The following MYT1L variants were observed in gnomAD, a reference collection of about 807,000 sequenced individuals.
MYT1L encodes myelin transcription factor 1-like protein.
Under a neutral mutation model 126.7 loss-of-function variants are expected in MYT1L, and 12 were observed. That is an observed-to-expected ratio of 0.09 (90% CI 0.06 to 0.15). MYT1L has a LOEUF of 0.15. Among genes scored for constraint, MYT1L ranks in the 10% least tolerant of loss-of-function variants. The pLI is 1.00. For missense variants in MYT1L, 979 were observed against 1,585.2 expected, an observed-to-expected ratio of 0.62 and a Z score of 6.49; for synonymous variants, 541 against 604.2, an observed-to-expected ratio of 0.90 and a Z score of 1.53.
At chr2:2,187,372 G>A (rs1046937245) in intron 2 of MYT1L, among the ~76,000 whole-genome samples, 12 of 152,004 alleles carry the variant, frequency 7.9e-5, no homozygotes, top group African/African-American at 2.7e-4. Context: ...AATCAAGCCC[G>A]GGGAAGGAGA....
At chr2:2,270,548 C>T (rs985693246) in intron 2 of MYT1L, among the ~76,000 whole-genome samples, 1 of 152,030 alleles carries the variant, frequency 6.6e-6, no homozygotes, top group Non-Finnish European at 1.5e-5. Flanking sequence ...CCAAAAATGA[C>T]ACACGAGCAA....
At chr2:2,130,049 C>G (rs2082178697) in intron 3 of MYT1L, among the ~76,000 whole-genome samples, 1 of 151,892 alleles carries the variant, frequency 6.6e-6, no homozygotes, top group Admixed American at 6.6e-5. Context: ...TAAATATTAT[C>G]AGCAATCTAA....
In MYT1L at chr2:1,892,072, G is replaced by A. The variant is rs1172434749; in HGVS notation, c.2248C>T (p.Leu750=). The change falls in exon 15 of 25, where the codon CTG becomes TTG. Residue 750 remains leucine (L), a synonymous_variant. Transcript: ENST00000647738. ...STRCREMPQN[L]STKPQDLCAT... Reference sequence around the variant, plus strand: ...CACAGGTCCTGCGGCTTGGTGCTCAGGTTCTGCGGCATCTCGCGGCAGCGC... The same window carrying A: ...CACAGGTCCTGCGGCTTGGTGCTCAAGTTCTGCGGCATCTCGCGGCAGCGC... 8 of 1,540,830 alleles carry A rather than the reference G, an allele frequency of 5.2e-6. No homozygotes were observed. The African/African-American group carries it at 1.1e-4, about 21-fold the overall frequency.
intron 2 of MYT1L, among the ~76,000 whole-genome samples, chr2:2,215,561 A>G (rs1388185273): frequency 6.6e-6 from 1 of 152,254 alleles, no homozygotes; most frequent in Non-Finnish European, 1.5e-5. Flanking sequence ...ACAAGGATAA[A>G]TAGACAAATC....
rs2094068702 is a variant in MYT1L at position 2,228,311 on chromosome 2, A to T, written c.-420-55323T>A. 1.3e-5 allele frequency among the ~76,000 whole-genome samples: 2 copies of T among 152,218 alleles called. No individual in the cohort carries two copies. The highest frequency in any genetic ancestry group is 4.8e-5 in the African/African-American group (2 of 41,466). On this transcript the variant is annotated intron_variant, in intron 2 of 24. Coordinates refer to ENST00000647738, the MANE Select transcript of MYT1L (RefSeq NM_001303052.2). The surrounding 1 kb of genome is among the most constrained non-coding windows in gnomAD (Gnocchi z 5.9). ...CATCATATGACTTTCAAATTGGCAAAGGTGATAATATTAAAAACCTGTGCA... is the reference window on the plus strand; with the variant it reads ...CATCATATGACTTTCAAATTGGCAATGGTGATAATATTAAAAACCTGTGCA...
intron 8 of MYT1L, among the ~76,000 whole-genome samples, chr2:1,946,871 C>T (rs186061324): frequency 6.6e-6 from 1 of 152,296 alleles, no homozygotes; most frequent in East Asian, 1.9e-4. Flanking sequence ...AACCTCCTCG[C>T]AGGGCCACCT....
rs1249157195 is a variant in MYT1L, at chr2:2,004,768, G to GTTCTTTCCTGCAGGCA, written c.-157-7437_-157-7422dup. On this transcript the variant is annotated intron_variant, in intron 4 of 24. Coordinates refer to ENST00000647738, the MANE Select transcript of MYT1L (RefSeq NM_001303052.2). ...CCTGCAGGCGTTCTTTCCTGAATAC[G>GTTCTTTCCTGCAGGCA]TTCTTTCCTGCAGGCATTCTTTCCT... Among the ~76,000 whole-genome samples the GTTCTTTCCTGCAGGCA allele has an allele frequency of 1.6e-4, 21 of 133,482 alleles. 1 individual carries two copies. The highest frequency in any genetic ancestry group is 3.3e-4 in the African/African-American group (11 of 33,698). The allele number at this position is 133,482 out of a possible 152,430, so 87.6% of individuals were successfully genotyped here.
At chr2:2,140,432 C>CTTTTTTTTTTTTT (rs35297300) in intron 3 of MYT1L, among the ~76,000 whole-genome samples, 3 of 112,972 alleles carry the variant, frequency 2.7e-5, no homozygotes, top group Non-Finnish European at 3.6e-5. Context: ...CTTTCTTTTT[C>CTTTTTTTTTTTTT]TTTTTTTTTT....
intron 2 of MYT1L, among the ~76,000 whole-genome samples, chr2:2,187,454 G>A (rs1316156093): frequency 6.6e-6 from 1 of 151,932 alleles, no homozygotes; most frequent in Non-Finnish European, 1.5e-5. Flanking sequence ...TGCGGGGCTG[G>A]CTGCTGAAAG....
At chr2:2,293,591 G>A (rs1290635157) in intron 1 of MYT1L, among the ~76,000 whole-genome samples, 1 of 152,178 alleles carries the variant, frequency 6.6e-6, no homozygotes, top group Non-Finnish European at 1.5e-5. Flanking sequence ...GGTCCCCGGG[G>A]AACAAAACAC....
At chr2:2,221,520 C>T (rs1014058049) in intron 2 of MYT1L, among the ~76,000 whole-genome samples, 2 of 152,018 alleles carry the variant, frequency 1.3e-5, no homozygotes, top group Admixed American at 1.3e-4. Context: ...AAAAAGTAAC[C>T]AAGTAGGAAA....
intron 4 of MYT1L, among the ~76,000 whole-genome samples, chr2:2,049,705 C>T (rs1330222287): frequency 1.3e-5 from 2 of 152,190 alleles, no homozygotes; most frequent in African/African-American, 4.8e-5. Flanking sequence ...TTCCCCCATA[C>T]TGTTCTCATG....
chr2:1,948,275 A>T (rs1345708369), intron 8 of MYT1L, among the ~76,000 whole-genome samples: 1 of 152,198 alleles, frequency 6.6e-6, no homozygotes, highest in African/African-American at 2.4e-5. Flanking sequence ...GACATGGTTC[A>T]TTGCTCACGA....
intron 2 of MYT1L, among the ~76,000 whole-genome samples, chr2:2,279,805 C>T (rs993142642): frequency 6.6e-6 from 1 of 152,190 alleles, no homozygotes; most frequent in African/African-American, 2.4e-5. Flanking sequence ...GGCAACACTG[C>T]ACACTGGGAT....
intron 4 of MYT1L, among the ~76,000 whole-genome samples, chr2:2,006,784 C>T (rs1248004227): frequency 6.6e-6 from 1 of 151,910 alleles, no homozygotes; most frequent in Admixed American, 6.6e-5. Flanking sequence ...CCATGTTGGC[C>T]AGACCGGTCT....
At chr2:2,007,743 T>C (rs1341334689) in intron 4 of MYT1L, among the ~76,000 whole-genome samples, 1 of 152,134 alleles carries the variant, frequency 6.6e-6, no homozygotes, top group African/African-American at 2.4e-5. Context: ...CTTTGATAAA[T>C]GGTAACAGTG....
chr2:1,987,414 G>A (rs913964121), intron 5 of MYT1L, among the ~76,000 whole-genome samples: 1 of 152,000 alleles, frequency 6.6e-6, no homozygotes, highest in Non-Finnish European at 1.5e-5. Flanking sequence ...GATGGCCGGA[G>A]TGGAGGTGCA....
chr2:1,837,653 G>C (rs1479015243), intron 21 of MYT1L, among the ~76,000 whole-genome samples: 5 of 152,072 alleles, frequency 3.3e-5, no homozygotes, highest in Admixed American at 2.6e-4. Context: ...TCAATGGGGA[G>C]GGTGAGGCGG....
At chr2:2,011,468 C>T (rs918515586) in intron 4 of MYT1L, among the ~76,000 whole-genome samples, 2 of 149,556 alleles carry the variant, frequency 1.3e-5, no homozygotes, top group African/African-American at 4.9e-5. Context: ...TCAGATTTGG[C>T]AACATATTCT....
Sources: allele counts gnomAD v4.1 joint callset (sites outside exome capture counted in the v4.1 genomes callset), GRCh38; gene constraint gnomAD v4.1.1; non-coding constraint Gnocchi (gnomAD v3.1); transcripts MANE v1.5; gene names NCBI Gene and HGNC (gene_info 2026-07-23, HGNC 2026-07-21).